Variants in MRPS6 observed in about 807,000 individuals in gnomAD.
The protein encoded by MRPS6 is small ribosomal subunit protein bS6m.
Under a neutral mutation model 13.1 loss-of-function variants are expected in MRPS6, and 6 were observed. The ratio of observed to expected loss-of-function variants is 0.46; its 90% CI spans 0.25 to 0.91. The LOEUF (loss-of-function observed/expected upper bound fraction) is 0.91. MRPS6 is among the 40% of genes least tolerant of loss of function. MRPS6 has a pLI of 0.18. For synonymous variants in MRPS6, 61 were observed against 56.5 expected, an observed-to-expected ratio of 1.08 and a Z score of -0.36; for missense variants, 164 against 155.6, an observed-to-expected ratio of 1.05 and a Z score of -0.29.
intron 1 of MRPS6, among the ~76,000 whole-genome samples, chr21:34,093,727 C>G (rs1402079297): frequency 1.3e-5 from 2 of 152,160 alleles, no homozygotes; most frequent in Non-Finnish European, 2.9e-5. Context: ...TTACAATTAA[C>G]TGAAAATTTA....
intron 2 of MRPS6, among the ~76,000 whole-genome samples, chr21:34,137,983 T>C (rs1980767510): frequency 1.3e-5 from 2 of 152,196 alleles, no homozygotes; most frequent in South Asian, 4.1e-4. Context: ...TTTTAATATA[T>C]GATAGTAGTG....
chr21:34,110,922 T>C (rs1237015508), intron 1 of MRPS6, among the ~76,000 whole-genome samples: 1 of 152,186 alleles, frequency 6.6e-6, no homozygotes, highest in African/African-American at 2.4e-5. Context: ...ATCCTTACGC[T>C]TAGGAACACT....
chr21:34,076,634 G>A (rs1179366984), intron 1 of MRPS6, among the ~76,000 whole-genome samples: 2 of 152,288 alleles, frequency 1.3e-5, no homozygotes, highest in East Asian at 3.9e-4. Flanking sequence ...TTTTAAAAAA[G>A]TGTGTATATA....
intron 1 of MRPS6, chr21:34,097,313 G>C (rs1405245073): frequency 1.2e-6 from 2 of 1,608,864 alleles, no homozygotes; most frequent in Admixed American, 3.4e-5. Flanking sequence ...TTTTTGCTGT[G>C]TGTTCACTTG....
rs1979360722 is a variant in MRPS6, at chr21:34,103,941, A to ACCTGTTTTAAGCTG, written c.46-21400_46-21399insCCTGTTTTAAGCTG. The ACCTGTTTTAAGCTG allele has an allele frequency of 4.0e-6, 4 of 1,000,056 alleles. No homozygotes were observed. The Admixed American group carries it at 1.8e-4, about 46-fold the overall frequency. The allele number at this position is 1,000,056 out of a possible 1,614,324, so 61.9% of individuals were successfully genotyped here. A position where few individuals can be genotyped will look rare whatever the true frequency, so the allele number is the denominator to read the frequency against. ...GTTTTTGGTGGGTGGAACAGGTGAC[A>ACCTGTTTTAAGCTG]TATTTCTGTTTTAAGCTGTAGTGTG... On this transcript the variant is annotated intron_variant, in intron 1 of 2. Transcript: ENST00000399312.
intron 1 of MRPS6, among the ~76,000 whole-genome samples, chr21:34,087,074 G>C (rs947104331): frequency 6.6e-5 from 10 of 152,242 alleles, no homozygotes; most frequent in African/African-American, 2.4e-4. Flanking sequence ...AAGTGGGCCA[G>C]ACTGGTGGTA....
chr21:34,139,217 A>C (rs1184059160), intron 2 of MRPS6, among the ~76,000 whole-genome samples: 1 of 149,628 alleles, frequency 6.7e-6, no homozygotes, highest in East Asian at 2.0e-4. Flanking sequence ...GGATAGCATT[A>C]GGAGATATTC....
In MRPS6 at chr21:34,096,551, A is replaced by C; in HGVS notation, c.45+22806A>C. On this transcript the variant is annotated intron_variant, in intron 1 of 2. Coordinates refer to ENST00000399312, the MANE Select transcript of MRPS6 (RefSeq NM_032476.4). This position sits in a 1 kb window ranked among gnomAD's most constrained non-coding sequence, Gnocchi z 5.9. ...AGGTAGCAGATTACCTGACACCCCC[A>C]GTGGCAGCCTTGTTCCTGCTGGCAA... The C allele has an allele frequency of 6.2e-7, 1 of 1,614,160 alleles. No individual in the cohort carries two copies. The highest frequency in any genetic ancestry group is 8.5e-7 in the Non-Finnish European group (1 of 1,180,004).
intron 2 of MRPS6, among the ~76,000 whole-genome samples, chr21:34,138,969 A>G (rs1980804939): frequency 6.6e-6 from 1 of 151,922 alleles, no homozygotes; most frequent in South Asian, 2.1e-4. Context: ...TGGATTAAGA[A>G]AATGTGGCAC....
rs1050983463 is a variant in MRPS6, at chr21:34,126,131, C to T, written c.185+651C>T. Among the ~76,000 whole-genome samples, 3 of 152,122 alleles carry T rather than the reference C, an allele frequency of 2.0e-5. No individual in the cohort carries two copies. The South Asian group carries it at 6.2e-4, about 32-fold the overall frequency. On this transcript the variant is annotated intron_variant, in intron 2 of 2. Coordinates refer to ENST00000399312, the MANE Select transcript of MRPS6 (RefSeq NM_032476.4). ...AGAGAAGATGGGAATCAGGTTTTAG[C>T]GCGGTAGGAAAAGTCCAAGAGTAGA...
intron 1 of MRPS6, among the ~76,000 whole-genome samples, chr21:34,116,178 TTGTGTGTGTG>T (rs57694757): frequency 2.8e-3 from 394 of 141,382 alleles, no homozygotes; most frequent in African/African-American, 8.9e-3. Flanking sequence ...CCAGCTAATT[TTGTGTGTGTG>T]TGTGTGTGTG....
chr21:34,078,883 C>T (rs1989394778), intron 1 of MRPS6, among the ~76,000 whole-genome samples: 1 of 152,196 alleles, frequency 6.6e-6, no homozygotes, highest in South Asian at 2.1e-4. Flanking sequence ...CCAATATACT[C>T]ATGAGTTTAT....
rs1980265267 is a variant in MRPS6 at position 34,125,373 on chromosome 21, A to G, written c.78A>G (p.Ile26Met). Residue 26 changes from isoleucine (I) to methionine (M), a missense_variant, in exon 2 of 3, where the codon ATA becomes ATG. By Grantham distance (10) the Ile-to-Met change is conservative. Coordinates refer to ENST00000399312, the MANE Select transcript of MRPS6 (RefSeq NM_032476.4). ...PETAATLKRT[I>M]EALMDRGAIV... The stretch of plus-strand genomic sequence containing the variant: ...CTGCTGCTACTTTGAAACGTACGAT[A>G]GAGGCCCTGATGGACAGAGGAGCAA... 6.2e-7 allele frequency: 1 copy of G among 1,613,866 alleles called. No homozygotes were observed. The highest frequency in any genetic ancestry group is 1.3e-5 in the African/African-American group (1 of 74,896).
At chr21:34,100,993 C>T in intron 1 of MRPS6, 1 of 999,944 alleles carries the variant, frequency 1.0e-6, no homozygotes, top group Non-Finnish European at 1.2e-6. Flanking sequence ...GGCATGATGA[C>T]TGGAAAGGGA....
intron 1 of MRPS6, among the ~76,000 whole-genome samples, chr21:34,112,265 C>A (rs1979731374): frequency 6.6e-6 from 1 of 152,076 alleles, no homozygotes; most frequent in Admixed American, 6.6e-5. Context: ...GTTCTTTGGA[C>A]CTCCAGCATC....
chr21:34,116,649 G>A (rs2148666415), intron 1 of MRPS6, among the ~76,000 whole-genome samples: 1 of 152,144 alleles, frequency 6.6e-6, no homozygotes, highest in East Asian at 1.9e-4. Flanking sequence ...ACACAGGTAT[G>A]CAGTGTAAGA....
chr21:34,138,808 A>G (rs1465233334), intron 2 of MRPS6, among the ~76,000 whole-genome samples: 5 of 152,108 alleles, frequency 3.3e-5, no homozygotes, highest in African/African-American at 1.2e-4. Flanking sequence ...AACTGGAAAT[A>G]CCATTTGACC....
At chr21:34,109,111 G>A (rs750559322) in intron 1 of MRPS6, among the ~76,000 whole-genome samples, 15 of 152,052 alleles carry the variant, frequency 9.9e-5, no homozygotes, top group Non-Finnish European at 2.2e-4. Context: ...AATTTTAAGA[G>A]CTCTTTTGTT....
At chr21:34,082,295 A>G (rs751106936) in intron 1 of MRPS6, among the ~76,000 whole-genome samples, 23 of 152,168 alleles carry the variant, frequency 1.5e-4, no homozygotes, top group Non-Finnish European at 3.4e-4. Flanking sequence ...GAAAGTATCT[A>G]TAGTTTCGGA....
Sources: allele counts gnomAD v4.1 joint callset (sites outside exome capture counted in the v4.1 genomes callset), GRCh38; gene constraint gnomAD v4.1.1; non-coding constraint Gnocchi (gnomAD v3.1); transcripts MANE v1.5; gene names NCBI Gene and HGNC (gene_info 2026-07-23, HGNC 2026-07-21).